DDAH1: variants seen among roughly 807,000 people sequenced by gnomAD.
The protein encoded by DDAH1 is dimethylarginine dimethylaminohydrolase 1, also known as N(G),N(G)-dimethylarginine dimethylaminohydrolase 1.
In DDAH1, 19 loss-of-function variants were observed where a neutral mutation model predicts 28.8. The ratio of observed to expected loss-of-function variants is 0.66; its 90% CI spans 0.46 to 0.97. DDAH1 has a LOEUF of 0.97. DDAH1 is among the 50% of genes least tolerant of loss of function. DDAH1 has a pLI of 0.00. For missense variants in DDAH1, 326 were observed against 375.9 expected (o/e 0.87, Z 1.10); for synonymous variants, 153 against 154.4 (o/e 0.99, Z 0.07).
At chr1:85,542,008 A>G (rs1658484639) in intron 1 of DDAH1, among the ~76,000 whole-genome samples, 1 of 152,222 alleles carries the variant, frequency 6.6e-6, no homozygotes, top group Non-Finnish European at 1.5e-5. Context: ...GGACTAAAAC[A>G]TATGTTTTCT....
chr1:85,388,487 T>A (rs183109643), intron 1 of DDAH1, among the ~76,000 whole-genome samples: 13 of 152,346 alleles, frequency 8.5e-5, no homozygotes, highest in South Asian at 4.1e-4. Flanking sequence ...TTGTTCACAG[T>A]GACCCATGAA....
intron 1 of DDAH1, among the ~76,000 whole-genome samples, chr1:85,415,754 C>G (rs1383790503): frequency 6.6e-6 from 1 of 152,094 alleles, no homozygotes; most frequent in Non-Finnish European, 1.5e-5. Flanking sequence ...GAGTAGTTAC[C>G]TCTGTGGGGA....
intron 2 of DDAH1, among the ~76,000 whole-genome samples, chr1:85,487,235 T>C (rs979450957): frequency 6.6e-6 from 1 of 152,246 alleles, no homozygotes; most frequent in Non-Finnish European, 1.5e-5. Flanking sequence ...CTGAGCATTA[T>C]TGAGAGTACT....
At chr1:85,558,503 A>C (rs1659047096) in intron 1 of DDAH1, among the ~76,000 whole-genome samples, 1 of 152,188 alleles carries the variant, frequency 6.6e-6, no homozygotes, top group South Asian at 2.1e-4. Context: ...TGGCCCAGAC[A>C]ACTCCATTAT....
At chr1:85,332,134 T>A (rs531080100) in intron 4 of DDAH1, among the ~76,000 whole-genome samples, 8 of 152,160 alleles carry the variant, frequency 5.3e-5, no homozygotes, top group Middle Eastern at 3.2e-3. Context: ...ATGTACCCAC[T>A]TAGTTCTGGA....
intron 1 of DDAH1, among the ~76,000 whole-genome samples, chr1:85,575,533 C>A (rs1309333596): frequency 6.6e-6 from 1 of 152,242 alleles, no homozygotes; most frequent in East Asian, 1.9e-4. Context: ...AAATACAACA[C>A]TCCTTTTCTC....
intron 1 of DDAH1, among the ~76,000 whole-genome samples, chr1:85,501,455 T>G (rs936759189): frequency 6.6e-6 from 1 of 152,146 alleles, no homozygotes; most frequent in Non-Finnish European, 1.5e-5. Flanking sequence ...CTTTGTAGAG[T>G]CTCACCCAGA....
intron 2 of DDAH1, among the ~76,000 whole-genome samples, chr1:85,482,075 T>C (rs1656031966): frequency 6.6e-6 from 1 of 152,214 alleles, no homozygotes; most frequent in South Asian, 2.1e-4. Context: ...GTTTATCAGG[T>C]AATATGCTTC....
intron 1 of DDAH1, chr1:85,376,852 CAAT>C (rs1013371895): frequency 1.3e-5 from 2 of 149,726 alleles, no homozygotes; most frequent in African/African-American, 4.9e-5. Context: ...GTTAAAGCAA[CAAT>C]AATGTGATTC....
In DDAH1 at chr1:85,500,610, CA is replaced by C. The variant is rs1330697420; in HGVS notation, c.-122-4330del. Among the ~76,000 whole-genome samples the C allele has an allele frequency of 2.0e-5, 3 of 152,064 alleles. No individual in the cohort carries two copies. The East Asian group carries it at 5.8e-4, about 29-fold the overall frequency. On this transcript the variant is annotated intron_variant, in intron 1 of 6. Transcript: ENST00000426972. Reference sequence around the variant, plus strand: ...TAGTTTATGGGTTAATATTTTTCACCAAATTGGGAATTTTTTCAGCTATCAC... The same window carrying C: ...TAGTTTATGGGTTAATATTTTTCACCAATTGGGAATTTTTTCAGCTATCAC...
At chr1:85,357,445 G>A (rs1229788474) in intron 2 of DDAH1, among the ~76,000 whole-genome samples, 1 of 152,202 alleles carries the variant, frequency 6.6e-6, no homozygotes, top group Non-Finnish European at 1.5e-5. Flanking sequence ...CTGCTTAAAT[G>A]TCACAGAATA....
chr1:85,478,504 G>T (rs541430609), intron 2 of DDAH1, among the ~76,000 whole-genome samples: 2 of 152,300 alleles, frequency 1.3e-5, no homozygotes, highest in Non-Finnish European at 2.9e-5. Flanking sequence ...GAGAGCTTGT[G>T]CAGGGGAACT....
intron 1 of DDAH1, among the ~76,000 whole-genome samples, chr1:85,458,744 T>C (rs918636645): frequency 5.3e-5 from 8 of 152,164 alleles, no homozygotes; most frequent in African/African-American, 1.4e-4. Flanking sequence ...GGGGAATATT[T>C]TGATGGAAGT....
At position 85,472,744 on chromosome 1, in the gene DDAH1, C is replaced by T. The variant is rs76277495; in HGVS notation, c.-7+23422G>A. Reference sequence around the variant, plus strand: ...GCTCCAAACTTTTTTTTAGATTCAGCGGGTACATGTGCGGGTTTGTGACAT... The same window carrying T: ...GCTCCAAACTTTTTTTTAGATTCAGTGGGTACATGTGCGGGTTTGTGACAT... On this transcript the variant is annotated intron_variant, in intron 2 of 6. Coordinates refer to the DDAH1 transcript ENST00000426972. Among the ~76,000 whole-genome samples, 233 of 152,170 alleles carry T rather than the reference C, an allele frequency of 1.5e-3. 1 individual carries two copies. Among genetic ancestry groups the T allele is most frequent in the African/African-American group, 5.3e-3 (221 of 41,518 alleles).
intron 1 of DDAH1, among the ~76,000 whole-genome samples, chr1:85,577,292 C>T (rs1246447255): frequency 6.6e-6 from 1 of 152,218 alleles, no homozygotes; most frequent in African/African-American, 2.4e-5. Context: ...ATCCTGGCTT[C>T]CTGGGGCTCT....
intron 1 of DDAH1, among the ~76,000 whole-genome samples, chr1:85,555,855 G>T (rs773148414): frequency 7.9e-5 from 12 of 152,160 alleles, no homozygotes; most frequent in Non-Finnish European, 1.6e-4. Context: ...TAGCAATATG[G>T]CAGTAAGGTA....
At chr1:85,443,585 G>C (rs1411329221) in intron 1 of DDAH1, among the ~76,000 whole-genome samples, 1 of 152,152 alleles carries the variant, frequency 6.6e-6, no homozygotes, top group Non-Finnish European at 1.5e-5. Context: ...TAGCTTGATG[G>C]GGATGGCATT....
intron 1 of DDAH1, among the ~76,000 whole-genome samples, chr1:85,554,702 C>A (rs975893956): frequency 6.6e-6 from 1 of 152,128 alleles, no homozygotes; most frequent in Non-Finnish European, 1.5e-5. Context: ...GGCTTTAAAG[C>A]CAGAAAGAAT....
At chr1:85,384,338 T>G (rs1253270913) in intron 1 of DDAH1, among the ~76,000 whole-genome samples, 1 of 152,212 alleles carries the variant, frequency 6.6e-6, no homozygotes, top group Admixed American at 6.5e-5. Flanking sequence ...TCTCCAGTAC[T>G]CTGCCCTGCA....
Sources: gnomAD v4.1 joint callset for allele counts (sites outside exome capture counted in the v4.1 genomes callset) on GRCh38, gnomAD v4.1.1 for gene constraint, MANE v1.5 for transcripts, NCBI Gene and HGNC (gene_info 2026-07-23, HGNC 2026-07-21) for gene names.